KCNH5: variants seen among roughly 807,000 people sequenced by gnomAD.
KCNH5 encodes voltage-gated delayed rectifier potassium channel KCNH5.
A neutral mutation model predicts 96.1 loss-of-function variants in KCNH5; 46 were observed. The ratio of observed to expected loss-of-function variants is 0.48; its 90% CI spans 0.38 to 0.61. The LOEUF is 0.61. Ranked by LOEUF, KCNH5 falls within the 20% of genes least tolerant of loss-of-function variation. The pLI is 0.00. For synonymous variants in KCNH5, 439 were observed against 449.8 expected (o/e 0.98, Z 0.30); for missense variants, 907 against 1,225.8 (o/e 0.74, Z 3.88).
chr14:62,992,613 T>C lies in KCNH5; in HGVS notation c.434-5426A>G, dbSNP rs142738309. Reference sequence around the variant, plus strand: ...TTTTTCATATACTGTTGGCCATTTGTATGTATTCTTTTGAAAAATATCTAT... The same window carrying C: ...TTTTTCATATACTGTTGGCCATTTGCATGTATTCTTTTGAAAAATATCTAT... On this transcript the variant is annotated intron_variant, in intron 4 of 10. Transcript: ENST00000322893. 5.9e-3 allele frequency among the ~76,000 whole-genome samples: 897 copies of C among 152,226 alleles called. 8 individuals carry two copies. Among genetic ancestry groups the C allele is most frequent in the African/African-American group, 0.02 (819 of 41,566 alleles).
At chr14:62,887,193 A>G (rs994081991) in intron 7 of KCNH5, among the ~76,000 whole-genome samples, 4 of 152,220 alleles carry the variant, frequency 2.6e-5, no homozygotes, top group Non-Finnish European at 5.9e-5. Context: ...CTGCTAGCCT[A>G]GACTTCAAGT....
At chr14:62,899,984 C>G (rs983501614) in intron 7 of KCNH5, among the ~76,000 whole-genome samples, 3 of 152,264 alleles carry the variant, frequency 2.0e-5, no homozygotes, top group Middle Eastern at 3.4e-3. Flanking sequence ...TTCTAATTAT[C>G]GTTGGCCAGA....
At position 62,969,923 on chromosome 14, in the gene KCNH5, G is replaced by A. The variant is rs143301337; in HGVS notation, c.942+10949C>T. On this transcript the variant is annotated intron_variant, in intron 6 of 10. Coordinates refer to ENST00000322893, the MANE Select transcript of KCNH5 (RefSeq NM_139318.5). ...TCAAGATACAAAAAATTAGCCAGGC[G>A]TGGTGGCATGCGCCTGTAGCATGAG... Among the ~76,000 whole-genome samples, 152 of 150,400 alleles carry A rather than the reference G, an allele frequency of 1.0e-3. 1 individual carries two copies. Among genetic ancestry groups the A allele is most frequent in the African/African-American group, 2.9e-3 (117 of 41,028 alleles).
intron 6 of KCNH5, among the ~76,000 whole-genome samples, chr14:62,966,069 A>C (rs1265164516): frequency 6.6e-6 from 1 of 152,194 alleles, no homozygotes; most frequent in Non-Finnish European, 1.5e-5. Context: ...AAGGCCATTC[A>C]CAACTCAGTG....
chr14:62,774,285 C>T (rs892794381), intron 10 of KCNH5, among the ~76,000 whole-genome samples: 7 of 152,186 alleles, frequency 4.6e-5, no homozygotes, highest in South Asian at 2.1e-4. Flanking sequence ...TTCCACACTT[C>T]GGGAAGGAAA....
chr14:62,756,590 A>T lies in KCNH5; in HGVS notation c.2019+23138T>A, dbSNP rs866064333. 3.3e-5 allele frequency among the ~76,000 whole-genome samples: 5 copies of T among 152,198 alleles called. No homozygotes were observed. In the South Asian group the frequency reaches 1.0e-3, roughly 31 times the overall value. On this transcript the variant is annotated intron_variant, in intron 10 of 10. Transcript: ENST00000322893. ...ATAACTAAAACAGCATGGTACTGGG[A>T]TAAAAGCAAACACAGAAACCAATGG...
At chr14:62,888,225 C>A (rs1455396960) in intron 7 of KCNH5, among the ~76,000 whole-genome samples, 1 of 152,084 alleles carries the variant, frequency 6.6e-6, no homozygotes, top group African/African-American at 2.4e-5. Context: ...TCTTTTAATT[C>A]CATTCAAACT....
rs1337096234 is a variant in KCNH5, at chr14:62,950,231, T to C, written c.1271A>G (p.Tyr424Cys). ...SKDSLYVSSL[Y>C]FTMTSLTTIG... ...GGTTGTAAGGCTTGTCATGGTAAAG[T>C]AGAGAGAGGACACGTACAATGAATC... is the stretch of plus-strand genomic sequence containing the variant. The change falls in exon 7 of 11, where the codon TAC (tyrosine) becomes TGC (cysteine). Residue 424 changes from tyrosine (Y) to cysteine (C), a missense_variant. By Grantham distance (194) the Tyr-to-Cys change is radical (BLOSUM62 -2). Transcript: ENST00000322893. The C allele has an allele frequency of 6.2e-7, 1 of 1,613,878 alleles. No homozygotes were observed. The highest frequency in any genetic ancestry group is 1.7e-5 in the Admixed American group (1 of 59,988).
chr14:62,711,823 G>A (rs1395388961), intron 10 of KCNH5, among the ~76,000 whole-genome samples: 1 of 152,202 alleles, frequency 6.6e-6, no homozygotes, highest in Non-Finnish European at 1.5e-5. Context: ...CACTGTGTGA[G>A]GTGGGAAAGG....
intron 10 of KCNH5, among the ~76,000 whole-genome samples, chr14:62,742,208 A>C (rs1337604411): frequency 6.6e-6 from 1 of 152,210 alleles, no homozygotes; most frequent in Non-Finnish European, 1.5e-5. Flanking sequence ...CACTTATTTT[A>C]GATTTTTTAC....
chr14:62,904,344 T>C (rs938087008), intron 7 of KCNH5, among the ~76,000 whole-genome samples: 1 of 152,224 alleles, frequency 6.6e-6, no homozygotes. Context: ...ACCTCACTTG[T>C]ATGCTACTAT....
chr14:62,927,915 G>T (rs971418084), intron 7 of KCNH5, among the ~76,000 whole-genome samples: 2 of 151,984 alleles, frequency 1.3e-5, no homozygotes, highest in Admixed American at 1.3e-4. Flanking sequence ...TAAAAATGAT[G>T]GGTTGTGAAG....
intron 4 of KCNH5, among the ~76,000 whole-genome samples, chr14:62,989,442 C>T (rs8013502): frequency 0.019 from 2,831 of 152,176 alleles, 88 homozygotes; most frequent in African/African-American, 0.064. Flanking sequence ...GCACACCCTA[C>T]GCTGTTTTGT....
intron 7 of KCNH5, among the ~76,000 whole-genome samples, chr14:62,917,925 A>G (rs763949962): frequency 7.2e-5 from 11 of 152,182 alleles, no homozygotes; most frequent in Non-Finnish European, 1.3e-4. Flanking sequence ...TCTTTCTATC[A>G]AAAGAGGGAA....
chr14:62,708,113 C>G lies in KCNH5; in HGVS notation c.2362G>C (p.Gly788Arg). The G allele has an allele frequency of 6.2e-7, 1 of 1,614,196 alleles. No individual in the cohort carries two copies. The highest frequency in any genetic ancestry group is 1.1e-5 in the South Asian group (1 of 91,090). ...TTGAGACATTTTTGGTCAGCACCGC[C>G]GTTGGGCTTGAGTTCCATGGCATCA... is the stretch of plus-strand genomic sequence containing the variant. ...NRDAMELKPNGGADQKCLKVN... is the reference protein window; with the variant it reads ...NRDAMELKPNRGADQKCLKVN... The change falls in exon 11 of 11, where the codon GGC becomes CGC. Residue 788 changes from glycine (G) to arginine (R), a missense_variant. Physicochemically the swap from Gly to Arg is moderately radical, Grantham distance 125 (BLOSUM62 -2). Transcript: ENST00000322893.
At chr14:62,799,258 T>G (rs992587098) in intron 9 of KCNH5, among the ~76,000 whole-genome samples, 5 of 152,036 alleles carry the variant, frequency 3.3e-5, no homozygotes, top group African/African-American at 1.2e-4. Flanking sequence ...CCACTCTCAG[T>G]ACCAGGGCAA....
At chr14:63,011,672 G>C (rs1318780702) in intron 2 of KCNH5, among the ~76,000 whole-genome samples, 1 of 152,112 alleles carries the variant, frequency 6.6e-6, no homozygotes, top group Non-Finnish European at 1.5e-5. Context: ...AACAGGGATA[G>C]CACTGTATAC....
chr14:62,725,481 G>C (rs996595303), intron 10 of KCNH5, among the ~76,000 whole-genome samples: 2 of 152,200 alleles, frequency 1.3e-5, no homozygotes, highest in Non-Finnish European at 2.9e-5. Context: ...CTGAAGGAAA[G>C]ATAATCTCTG....
At chr14:63,018,800 A>G (rs1891374951) in intron 1 of KCNH5, among the ~76,000 whole-genome samples, 2 of 152,126 alleles carry the variant, frequency 1.3e-5, no homozygotes, top group Non-Finnish European at 2.9e-5. Context: ...ATGTATTGAT[A>G]TAATGTCCCA....
Sources: allele counts gnomAD v4.1 joint callset (sites outside exome capture counted in the v4.1 genomes callset), GRCh38; gene constraint gnomAD v4.1.1; transcripts MANE v1.5; gene names NCBI Gene and HGNC (gene_info 2026-07-23, HGNC 2026-07-21).